The following SORBS2 variants were observed in gnomAD, a reference collection of about 807,000 sequenced individuals.
The protein encoded by SORBS2 is sorbin and SH3 domain-containing protein 2.
SORBS2 carries 46 observed loss-of-function variants against 97.7 expected under a neutral mutation model. That is an observed-to-expected ratio of 0.47 (90% CI 0.37 to 0.60). The LOEUF (loss-of-function observed/expected upper bound fraction) is 0.60, where lower values mean the gene tolerates loss of function less well. Among genes scored for constraint, SORBS2 ranks in the 20% least tolerant of loss-of-function variants. SORBS2 has a pLI of 0.00. For synonymous variants in SORBS2, 476 were observed against 473.4 expected (o/e 1.01, Z -0.07); for missense variants, 1,316 against 1,282.3 (o/e 1.03, Z -0.40).
intron 1 of SORBS2, among the ~76,000 whole-genome samples, chr4:185,853,142 A>G (rs1012337355): frequency 6.6e-6 from 1 of 152,170 alleles, no homozygotes; most frequent in South Asian, 2.1e-4. Context: ...GCCATCCTTA[A>G]CTTGAAGAAA....
chr4:185,821,766 GCATT>G (rs1465994033), intron 1 of SORBS2, among the ~76,000 whole-genome samples: 2 of 152,168 alleles, frequency 1.3e-5, no homozygotes, highest in African/African-American at 4.8e-5. Context: ...GATCATTCTT[GCATT>G]TTAGAATAGG....
chr4:185,739,892 C>G (rs1278215975), intron 2 of SORBS2: 1 of 152,610 alleles, frequency 6.6e-6, no homozygotes, highest in African/African-American at 2.4e-5. Context: ...CAAATTGAAC[C>G]TAATAAAATT....
At chr4:185,731,538 C>G (rs1258148353) in intron 2 of SORBS2, among the ~76,000 whole-genome samples, 41 of 115,700 alleles carry the variant, frequency 3.5e-4, no homozygotes, top group African/African-American at 1.5e-3. Context: ...CTCCCTCTCT[C>G]CCTGCCTCTC....
chr4:185,884,769 C>T (rs993413177), intron 1 of SORBS2, among the ~76,000 whole-genome samples: 1 of 152,164 alleles, frequency 6.6e-6, no homozygotes, highest in Non-Finnish European at 1.5e-5. Context: ...TATATGGAGT[C>T]GGTGTATTCC....
chr4:185,633,316 C>A (rs1279633809), intron 4 of SORBS2, among the ~76,000 whole-genome samples: 2 of 151,978 alleles, frequency 1.3e-5, no homozygotes, highest in Admixed American at 6.6e-5. Flanking sequence ...AAATCCAGAA[C>A]CTTAAGAGAA....
intron 2 of SORBS2, among the ~76,000 whole-genome samples, chr4:185,722,576 G>A (rs1317410906): frequency 2.0e-5 from 3 of 152,084 alleles, no homozygotes; most frequent in African/African-American, 7.2e-5. Flanking sequence ...TCTGATTGGT[G>A]ATAAAAAAAA....
intron 2 of SORBS2, among the ~76,000 whole-genome samples, chr4:185,716,165 G>C (rs1014238656): frequency 1.3e-5 from 2 of 152,244 alleles, no homozygotes; most frequent in African/African-American, 4.8e-5. Context: ...TCAACTCCCA[G>C]ACAGAGATGG....
chr4:185,747,968 G>GT (rs562681288), intron 2 of SORBS2, among the ~76,000 whole-genome samples: 1 of 151,970 alleles, frequency 6.6e-6, no homozygotes, highest in Non-Finnish European at 1.5e-5. Context: ...TCTAGCCTGG[G>GT]TAACAGAGTG....
At chr4:185,642,390 C>G (rs993571856) in intron 4 of SORBS2, among the ~76,000 whole-genome samples, 1 of 151,560 alleles carries the variant, frequency 6.6e-6, no homozygotes, top group African/African-American at 2.4e-5. Flanking sequence ...AGGTCCTAAA[C>G]AAATGCTTTA....
intron 1 of SORBS2, among the ~76,000 whole-genome samples, chr4:185,852,827 T>C (rs919240935): frequency 3.9e-5 from 6 of 152,196 alleles, no homozygotes; most frequent in African/African-American, 1.4e-4. Context: ...TTTCTCTTTT[T>C]GTTTACTTGA....
At chr4:185,881,940 T>A (rs1380082913) in intron 1 of SORBS2, among the ~76,000 whole-genome samples, 1 of 152,162 alleles carries the variant, frequency 6.6e-6, no homozygotes, top group Non-Finnish European at 1.5e-5. Context: ...TGAGTATAAT[T>A]CCTTAATTAT....
chr4:185,637,800 A>AG (rs2097047191), intron 4 of SORBS2, among the ~76,000 whole-genome samples: 1 of 152,150 alleles, frequency 6.6e-6, no homozygotes, highest in Non-Finnish European at 1.5e-5. Context: ...TAATTGTCTG[A>AG]ATATTCCATC....
At chr4:185,843,265 G>T (rs1302436746) in intron 1 of SORBS2, among the ~76,000 whole-genome samples, 1 of 152,166 alleles carries the variant, frequency 6.6e-6, no homozygotes, top group African/African-American at 2.4e-5. Flanking sequence ...AAGCAAAACA[G>T]CAGTTAACAC....
chr4:185,906,610 C>T (rs1232483449), intron 1 of SORBS2, among the ~76,000 whole-genome samples: 2 of 152,158 alleles, frequency 1.3e-5, no homozygotes, highest in Admixed American at 6.5e-5. Context: ...AAATACCTAA[C>T]GCAGCACTCT....
At chr4:185,786,378 T>C (rs925706376) in intron 1 of SORBS2, among the ~76,000 whole-genome samples, 1 of 152,168 alleles carries the variant, frequency 6.6e-6, no homozygotes, top group East Asian at 1.9e-4. Context: ...ATGGACTTTG[T>C]AAGGCCCTGT....
chr4:185,670,036 T>C (rs925665459), intron 4 of SORBS2, among the ~76,000 whole-genome samples: 3 of 152,040 alleles, frequency 2.0e-5, no homozygotes, highest in African/African-American at 7.2e-5. Context: ...CTGGACAACA[T>C]GGTGAAACCC....
At chr4:185,681,401 G>GAA (rs35332490) in intron 2 of SORBS2, among the ~76,000 whole-genome samples, 1 of 138,428 alleles carries the variant, frequency 7.2e-6, no homozygotes, top group Admixed American at 7.4e-5. Context: ...ATATAGGTTA[G>GAA]AAAAAAAAAA....
chr4:185,875,620 G>A lies in SORBS2; in HGVS notation c.-338+80576C>T, dbSNP rs190687413. Among the ~76,000 whole-genome samples the A allele has an allele frequency of 2.3e-3, 355 of 152,322 alleles. 3 individuals are homozygous for A. Among genetic ancestry groups the A allele is most frequent in the African/African-American group, 8.3e-3 (344 of 41,574 alleles). ...TTTCTCTGTTAAAGTTTCAGGCAAC[G>A]CAGATGTGAAGAGAATAAATATGAA... On this transcript the variant is annotated intron_variant, in intron 1 of 20. Coordinates refer to the SORBS2 transcript ENST00000284776.
intron 1 of SORBS2, among the ~76,000 whole-genome samples, chr4:185,815,524 C>T (rs1392391537): frequency 2.0e-5 from 3 of 151,982 alleles, no homozygotes; most frequent in East Asian, 1.9e-4. Flanking sequence ...AGTATGAAAG[C>T]GTAGAATACC....
Sources: allele counts gnomAD v4.1 joint callset (sites outside exome capture counted in the v4.1 genomes callset), GRCh38; gene constraint gnomAD v4.1.1; transcripts MANE v1.5; gene names NCBI Gene and HGNC (gene_info 2026-07-23, HGNC 2026-07-21).